The following HTT variants were observed in gnomAD, a reference collection of about 807,000 sequenced individuals.
HTT encodes huntingtin.
Under a neutral mutation model 362.3 loss-of-function variants are expected in HTT, and 104 were observed. The ratio of observed to expected loss-of-function variants is 0.29; its 90% CI spans 0.24 to 0.34. The LOEUF (loss-of-function observed/expected upper bound fraction) is 0.34. HTT is among the 10% of genes least tolerant of loss of function. The probability of loss-of-function intolerance (pLI) is 1.00; values close to 1 mark genes in which losing one functional copy is unlikely to be tolerated. For synonymous variants in HTT, 1,577 were observed against 1,548.7 expected, an observed-to-expected ratio of 1.02 and a Z score of -0.43; for missense variants, 3,301 against 3,928.6, an observed-to-expected ratio of 0.84 and a Z score of 4.27.
At chr4:3,134,647 C>G (rs1578525495) in intron 19 of HTT, 107 bp downstream of exon 19, 2 of 1,058,986 alleles carry the variant, frequency 1.9e-6, no homozygotes, top group Non-Finnish European at 2.8e-6. Flanking sequence ...CATCAGAAAT[C>G]CGAGTGGTTT....
At chr4:3,177,945 A>G (rs1405285911) in intron 34 of HTT, among the ~76,000 whole-genome samples, 2 of 152,210 alleles carry the variant, frequency 1.3e-5, no homozygotes, top group East Asian at 3.8e-4. Context: ...TGTTTATTCT[A>G]ATTACATGAC....
chr4:3,215,787 A>C (rs1019943359), intron 51 of HTT, among the ~76,000 whole-genome samples: 3 of 152,022 alleles, frequency 2.0e-5, no homozygotes, highest in Non-Finnish European at 2.9e-5. Flanking sequence ...CTTTTCATGC[A>C]CTTTCCTCCC....
At chr4:3,157,791 T>A (rs1717222868) in intron 28 of HTT, among the ~76,000 whole-genome samples, 1 of 152,164 alleles carries the variant, frequency 6.6e-6, no homozygotes. Flanking sequence ...AATTTTCTGT[T>A]CATCTGCAAT....
chr4:3,223,968 C>T, intron 55 of HTT, 24 bp from the exon 56 acceptor site: 1 of 1,613,306 alleles, frequency 6.2e-7, no homozygotes, highest in Non-Finnish European at 8.5e-7. Flanking sequence ...ACAAAACACT[C>T]TTTACCTTTT....
intron 56 of HTT, among the ~76,000 whole-genome samples, chr4:3,224,492 G>T (rs1269465451): frequency 6.6e-6 from 1 of 152,176 alleles, no homozygotes; most frequent in Admixed American, 6.5e-5. Flanking sequence ...ACCATGTGTG[G>T]CAGTGGCTGC....
Position 3,174,985 on chromosome 4 carries a change from G to C in HTT, c.4285G>C (p.Val1429Leu). The C allele has an allele frequency of 6.2e-7, 1 of 1,609,264 alleles. No individual in the cohort carries two copies. Among genetic ancestry groups the C allele is most frequent in the Non-Finnish European group, 8.5e-7 (1 of 1,176,752 alleles). ...HNHIRLFEPLVIKALKQYTTT... is the reference protein window; with the variant it reads ...HNHIRLFEPLLIKALKQYTTT... ...TCACATTCGTTTGTTTGAACCTCTT[G>C]TTATAAAAGCTTTAAAACAGTACAC... The change falls in exon 33 of 67, where the codon GTT (valine) becomes CTT (leucine). Residue 1429 changes from valine (V) to leucine (L), a missense_variant. Physicochemically the swap from Val to Leu is conservative, Grantham distance 32. Transcript: ENST00000355072.
chr4:3,127,044 CCTT>C (rs1323652296), intron 11 of HTT, among the ~76,000 whole-genome samples: 1 of 152,148 alleles, frequency 6.6e-6, no homozygotes, highest in Non-Finnish European at 1.5e-5. Flanking sequence ...GAGAATATCA[CCTT>C]CTGATAAGCC....
chr4:3,105,504 C>T lies in HTT; in HGVS notation c.608+68C>T, dbSNP rs930260833. The T allele has an allele frequency of 8.5e-6, 9 of 1,054,282 alleles. No homozygotes were observed. In the African/African-American group the frequency reaches 1.4e-4, roughly 16 times the overall value. 65.3% of individuals were successfully genotyped at this position (1,054,282 alleles called of 1,614,324 possible). Reference sequence around the variant, plus strand: ...CTGCTACTGATCCTTTATGTCTCAGCTCAGATGTCATTTCAAAAGTCTGCT... The same window carrying T: ...CTGCTACTGATCCTTTATGTCTCAGTTCAGATGTCATTTCAAAAGTCTGCT... On this transcript the variant is annotated intron_variant, in intron 5 of 66. Transcript: ENST00000355072.
chr4:3,125,660 A>G (rs1715488274), intron 11 of HTT, 31 bp downstream of exon 11: 30 of 1,479,952 alleles, frequency 2.0e-5, no homozygotes, highest in Non-Finnish European at 2.6e-5. Context: ...GCTGGTGTGG[A>G]CCTTCACTGT....
At chr4:3,117,780 C>T (rs1715103149) in intron 8 of HTT, among the ~76,000 whole-genome samples, 1 of 152,118 alleles carries the variant, frequency 6.6e-6, no homozygotes, top group Admixed American at 6.5e-5. Flanking sequence ...CTGCAGTGAT[C>T]CATGATTGTA....
chr4:3,096,787 C>A (rs919046933), intron 2 of HTT, among the ~76,000 whole-genome samples: 1 of 152,194 alleles, frequency 6.6e-6, no homozygotes, highest in Non-Finnish European at 1.5e-5. Flanking sequence ...CAGCTTCTAC[C>A]TTTGGAAACT....
intron 6 of HTT, among the ~76,000 whole-genome samples, chr4:3,110,736 A>T (rs1350343074): frequency 1.3e-5 from 2 of 152,092 alleles, no homozygotes; most frequent in African/African-American, 2.4e-5. Flanking sequence ...TAACCTATGA[A>T]TGTACTTTTC....
chr4:3,108,078 A>G (rs1220551960), intron 6 of HTT, among the ~76,000 whole-genome samples: 28 of 152,208 alleles, frequency 1.8e-4, no homozygotes, highest in Admixed American at 1.8e-3. Context: ...CAAACTGCCC[A>G]ACAGCTCTAA....
intron 26 of HTT, among the ~76,000 whole-genome samples, chr4:3,153,688 T>C (rs1240225057): frequency 6.6e-6 from 1 of 152,036 alleles, no homozygotes; most frequent in Non-Finnish European, 1.5e-5. Flanking sequence ...TTTGGGAGGC[T>C]GAGATGGGAG....
chr4:3,098,250 T>C (rs1713965055), intron 2 of HTT, among the ~76,000 whole-genome samples: 1 of 152,240 alleles, frequency 6.6e-6, no homozygotes, highest in Admixed American at 6.5e-5. Flanking sequence ...GTGGCATGTT[T>C]TGTTTTATGC....
In HTT at chr4:3,224,046, A is replaced by G. The variant is rs76647298; in HGVS notation, c.7680A>G (p.Ala2560=). 583 of 1,614,016 alleles carry G rather than the reference A, an allele frequency of 3.6e-4. 4 individuals are homozygous for G. The East Asian group carries it at 0.012, about 32-fold the overall frequency. Residue 2560 remains alanine, a synonymous_variant, in exon 56 of 67, where the codon GCA becomes GCG. Coordinates refer to ENST00000355072, the MANE Select transcript of HTT (RefSeq NM_001388492.1). ...IRGIVEQEIQ[A]MVSKRENIAT... ...GGATTGTGGAGCAAGAGATTCAAGC[A>G]ATGGTTTCAAAGAGAGAGAATATTG...
At chr4:3,234,732 G>C (rs1483176208) in intron 61 of HTT, among the ~76,000 whole-genome samples, 1 of 152,220 alleles carries the variant, frequency 6.6e-6, no homozygotes, top group East Asian at 1.9e-4. Context: ...GGGACCACGT[G>C]GTGACAGATA....
intron 3 of HTT, 108 bp from the exon 4 acceptor site, chr4:3,103,716 C>T: frequency 1.4e-6 from 1 of 692,202 alleles, no homozygotes; most frequent in Non-Finnish European, 2.6e-6. Flanking sequence ...AATTTAGTTG[C>T]TATTATGTTT....
Position 3,206,785 on chromosome 4 carries a change from T to C in HTT, c.5899-22T>C, listed in dbSNP as rs369976212. ...TGATTTGCAAAATAGTCATCTTTTG[T>C]TCTTTTCCTTCTTGCTGTTAGCCAA... On this transcript the variant is annotated intron_variant, in intron 43 of 66. Coordinates refer to ENST00000355072, the MANE Select transcript of HTT (RefSeq NM_001388492.1). The surrounding 1 kb of genome is among the most constrained non-coding windows in gnomAD (Gnocchi z 4.6). 1 of 1,592,138 alleles carries C rather than the reference T, an allele frequency of 6.3e-7. No homozygotes were observed. The highest frequency in any genetic ancestry group is 1.4e-5 in the African/African-American group (1 of 73,854).
Sources: allele counts gnomAD v4.1 joint callset (sites outside exome capture counted in the v4.1 genomes callset), GRCh38; gene constraint gnomAD v4.1.1; non-coding constraint Gnocchi (gnomAD v3.1); transcripts MANE v1.5; gene names NCBI Gene and HGNC (gene_info 2026-07-23, HGNC 2026-07-21).